Variants in NPSR1 observed in about 807,000 individuals in gnomAD.
NPSR1 encodes neuropeptide S receptor.
Under a neutral mutation model 46.9 loss-of-function variants are expected in NPSR1, and 48 were observed. The observed-to-expected ratio is 1.02, with a 90% CI of 0.81 to 1.30. The LOEUF is 1.30. NPSR1 is among the 50% of genes most tolerant of loss of function. The pLI, the probability that NPSR1 is intolerant of heterozygous loss-of-function variation, is 0.00. For missense variants in NPSR1, 450 were observed against 449.5 expected, an observed-to-expected ratio of 1.00 and a Z score of -0.01; for synonymous variants, 176 against 168.1, an observed-to-expected ratio of 1.05 and a Z score of -0.36.
chr7:34,717,753 G>A (rs1783650736), intron 2 of NPSR1, among the ~76,000 whole-genome samples: 1 of 152,234 alleles, frequency 6.6e-6, no homozygotes, highest in Non-Finnish European at 1.5e-5. Flanking sequence ...TCATTTGAGT[G>A]CCGCTCATCA....
intron 6 of NPSR1, among the ~76,000 whole-genome samples, chr7:34,839,622 AG>A (rs1790497623): frequency 6.6e-6 from 1 of 152,228 alleles, no homozygotes; most frequent in African/African-American, 2.4e-5. Flanking sequence ...CCAAAATATC[AG>A]TAGCCTTAAC....
intron 3 of NPSR1, among the ~76,000 whole-genome samples, chr7:34,798,156 T>G (rs1788272981): frequency 6.6e-6 from 1 of 152,180 alleles, no homozygotes; most frequent in Non-Finnish European, 1.5e-5. Context: ...GACCTATAGA[T>G]AGTTGCTCGA....
intron 2 of NPSR1, among the ~76,000 whole-genome samples, chr7:34,716,552 C>G (rs1392133386): frequency 6.6e-6 from 1 of 152,142 alleles, no homozygotes; most frequent in African/African-American, 2.4e-5. Flanking sequence ...GAGATAAAAG[C>G]AATTCCTTTT....
At chr7:34,775,782 T>C (rs762107734) in intron 2 of NPSR1, among the ~76,000 whole-genome samples, 2 of 152,146 alleles carry the variant, frequency 1.3e-5, no homozygotes, top group Non-Finnish European at 2.9e-5. Context: ...TTTGAGTTTG[T>C]TATGCTCTTC....
chr7:34,865,066 G>T (rs529568760), intron 8 of NPSR1, among the ~76,000 whole-genome samples: 21 of 151,862 alleles, frequency 1.4e-4, no homozygotes, highest in African/African-American at 5.1e-4. Context: ...CCCCTCATTT[G>T]CAAGCTGAAT....
chr7:34,751,844 CCA>C, intron 2 of NPSR1: 1 of 1,583,076 alleles, frequency 6.3e-7, no homozygotes. Context: ...AGGGTCACTG[CCA>C]CCTCTTTGAA....
At chr7:34,830,486 T>C (rs1046637554) in intron 5 of NPSR1, among the ~76,000 whole-genome samples, 1 of 152,234 alleles carries the variant, frequency 6.6e-6, no homozygotes, top group African/African-American at 2.4e-5. Flanking sequence ...CAAAAGTAAT[T>C]GCGGACTTTG....
At chr7:34,751,548 C>T in intron 2 of NPSR1, 1 of 1,586,082 alleles carries the variant, frequency 6.3e-7, no homozygotes, top group Non-Finnish European at 8.7e-7. Flanking sequence ...AACTTGTATT[C>T]TTCTCCTTGG....
At chr7:34,827,626 C>A in intron 5 of NPSR1, 24 bp downstream of exon 5, 2 of 761,784 alleles carry the variant, frequency 2.6e-6, no homozygotes, top group Non-Finnish European at 2.1e-6. Flanking sequence ...AGGACAGGAC[C>A]ACACGGGGGG....
At chr7:34,763,550 C>T (rs985154758) in intron 2 of NPSR1, among the ~76,000 whole-genome samples, 2 of 151,910 alleles carry the variant, frequency 1.3e-5, no homozygotes, top group Non-Finnish European at 2.9e-5. Context: ...ATTATAGGTA[C>T]TATAATAGTA....
chr7:34,739,549 T>G (rs1183812905), intron 2 of NPSR1, among the ~76,000 whole-genome samples: 1 of 152,254 alleles, frequency 6.6e-6, no homozygotes, highest in Non-Finnish European at 1.5e-5. Context: ...CAGAGAAATG[T>G]CACTTAAGTC....
At chr7:34,700,741 C>A (rs928785823) in intron 2 of NPSR1, among the ~76,000 whole-genome samples, 1 of 152,138 alleles carries the variant, frequency 6.6e-6, no homozygotes, top group Admixed American at 6.6e-5. Context: ...CTTCTGAGCC[C>A]TATGACCTAT....
rs527342786 is a variant in NPSR1, at chr7:34,695,782, T to C, written c.280+11098T>C. 7.9e-5 allele frequency among the ~76,000 whole-genome samples: 12 copies of C among 152,222 alleles called. No homozygotes were observed. The South Asian group carries it at 2.5e-3, about 32-fold the overall frequency. On this transcript the variant is annotated intron_variant, in intron 2 of 8. Coordinates refer to ENST00000360581, the MANE Select transcript of NPSR1 (RefSeq NM_207172.2). ...CATCTTACACCAGTCAGAATGGCTA[T>C]TATTAAAAAATCAAAAAACAATAGA... is the stretch of plus-strand genomic sequence containing the variant.
chr7:34,771,856 T>C (rs1420673914), intron 2 of NPSR1, among the ~76,000 whole-genome samples: 1 of 152,194 alleles, frequency 6.6e-6, no homozygotes, highest in Non-Finnish European at 1.5e-5. Flanking sequence ...TGATTCTAAC[T>C]ACTTAGAACC....
At chr7:34,869,085 G>A (rs1294334271) in intron 8 of NPSR1, among the ~76,000 whole-genome samples, 3 of 151,698 alleles carry the variant, frequency 2.0e-5, no homozygotes, top group African/African-American at 4.9e-5. Flanking sequence ...TCACATTTAA[G>A]TTCAAGGTTC....
At chr7:34,709,074 G>A (rs986413368) in intron 2 of NPSR1, among the ~76,000 whole-genome samples, 1 of 152,166 alleles carries the variant, frequency 6.6e-6, no homozygotes, top group African/African-American at 2.4e-5. Context: ...AAGGAATAAG[G>A]AGCCAGGAGT....
intron 2 of NPSR1, among the ~76,000 whole-genome samples, chr7:34,722,038 GA>G (rs762943262): frequency 2.0e-5 from 3 of 151,978 alleles, no homozygotes; most frequent in Non-Finnish European, 4.4e-5. Flanking sequence ...TAGAGAAAAG[GA>G]GGGGGAAAAG....
In NPSR1 at chr7:34,658,350, C is replaced by A. The variant is rs754116145; in HGVS notation, c.-63C>A. 6.3e-7 allele frequency: 1 copy of A among 1,583,336 alleles called. No homozygotes were observed. Among genetic ancestry groups the A allele is most frequent in the Non-Finnish European group, 8.6e-7 (1 of 1,160,452 alleles). On this transcript the variant is annotated 5_prime_UTR_variant, in exon 1 of 9. Coordinates refer to ENST00000360581, the MANE Select transcript of NPSR1 (RefSeq NM_207172.2). ...CAGCTGCTGCCCAGCTCTCAGGAGG[C>A]AAGCTGGACTCCCTCACTCAGCTGC... is the stretch of plus-strand genomic sequence containing the variant.
intron 8 of NPSR1, among the ~76,000 whole-genome samples, chr7:34,857,122 A>T (rs1431302161): frequency 1.3e-5 from 2 of 151,834 alleles, no homozygotes; most frequent in Non-Finnish European, 2.9e-5. Context: ...ATTGAGATAT[A>T]TTCTAAAAAC....
Sources: allele counts gnomAD v4.1 joint callset (sites outside exome capture counted in the v4.1 genomes callset), GRCh38; gene constraint gnomAD v4.1.1; transcripts MANE v1.5; gene names NCBI Gene and HGNC (gene_info 2026-07-23, HGNC 2026-07-21).